The following XKR4 variants were observed in gnomAD, a reference collection of about 807,000 sequenced individuals.
The protein encoded by XKR4 is XK-related protein 4.
In XKR4, 12 loss-of-function variants were observed where a neutral mutation model predicts 53.9. That is an observed-to-expected ratio of 0.22 (90% CI 0.14 to 0.36). XKR4 has a LOEUF of 0.36. Ranked by LOEUF, XKR4 falls within the 10% of genes least tolerant of loss-of-function variation. The pLI, the probability that XKR4 is intolerant of heterozygous loss-of-function variation, is 1.00. For missense variants in XKR4, 799 were observed against 859.5 expected (o/e 0.93, Z 0.88); for synonymous variants, 354 against 362.4 (o/e 0.98, Z 0.26).
At chr8:55,394,383 T>TA (rs1804486504) in intron 2 of XKR4, among the ~76,000 whole-genome samples, 1 of 152,170 alleles carries the variant, frequency 6.6e-6, no homozygotes, top group African/African-American at 2.4e-5. Context: ...AAGAACAAGT[T>TA]ACAATAGCTC....
chr8:55,441,532 T>G (rs1014347230), intron 2 of XKR4, among the ~76,000 whole-genome samples: 2 of 152,188 alleles, frequency 1.3e-5, no homozygotes, highest in African/African-American at 2.4e-5. Flanking sequence ...TGGGGAACAT[T>G]GCACTCGACT....
chr8:55,170,261 T>C (rs1434550114), intron 1 of XKR4, among the ~76,000 whole-genome samples: 1 of 152,178 alleles, frequency 6.6e-6, no homozygotes, highest in Non-Finnish European at 1.5e-5. Flanking sequence ...CAAAGGGGAC[T>C]CCATGATGCA....
At chr8:55,170,410 A>G (rs1230355175) in intron 1 of XKR4, among the ~76,000 whole-genome samples, 2 of 152,088 alleles carry the variant, frequency 1.3e-5, no homozygotes, top group Non-Finnish European at 2.9e-5. Context: ...TGCTGTGGAG[A>G]TGGAGGTATG....
chr8:55,463,091 C>A (rs955656250), intron 2 of XKR4, among the ~76,000 whole-genome samples: 11 of 151,544 alleles, frequency 7.3e-5, no homozygotes, highest in Non-Finnish European at 1.5e-4. Flanking sequence ...ATGAGGATAT[C>A]CAGGAATTGA....
At chr8:55,176,552 G>A (rs1187812331) in intron 1 of XKR4, among the ~76,000 whole-genome samples, 1 of 152,106 alleles carries the variant, frequency 6.6e-6, no homozygotes, top group African/African-American at 2.4e-5. Context: ...CTTTCTAAAA[G>A]CAATTCATTT....
At chr8:55,433,316 G>A (rs913187953) in intron 2 of XKR4, among the ~76,000 whole-genome samples, 15 of 152,208 alleles carry the variant, frequency 9.9e-5, no homozygotes, top group African/African-American at 3.6e-4. Flanking sequence ...TAAAGTAATA[G>A]TGAGCCTATA....
chr8:55,405,866 C>A (rs149594554), intron 2 of XKR4, among the ~76,000 whole-genome samples: 1 of 152,302 alleles, frequency 6.6e-6, no homozygotes, highest in Non-Finnish European at 1.5e-5. Context: ...TGGAAATAGG[C>A]CTCCAAGGCA....
At position 55,524,626 on chromosome 8, in the gene XKR4, A is replaced by G. The variant is rs952236765; in HGVS notation, c.*399A>G. ...TACACACATACACACACTAACACAC[A>G]TAAGTTACACCAGTCCTCTGTCAAA... On this transcript the variant is annotated 3_prime_UTR_variant, in exon 3 of 3. Transcript: ENST00000327381. The G allele has an allele frequency of 6.0e-6, 1 of 167,314 alleles. No individual in the cohort carries two copies. The highest frequency in any genetic ancestry group is 1.3e-5 in the Non-Finnish European group (1 of 78,162). 10.4% of individuals were successfully genotyped at this position (167,314 alleles called of 1,614,324 possible).
intron 1 of XKR4, among the ~76,000 whole-genome samples, chr8:55,231,105 G>A (rs570189445): frequency 6.6e-6 from 1 of 152,162 alleles, no homozygotes; most frequent in East Asian, 1.9e-4. Context: ...GCTAAAGTCT[G>A]TATTCAAATT....
chr8:55,404,760 T>G (rs561394121), intron 2 of XKR4, among the ~76,000 whole-genome samples: 3 of 152,344 alleles, frequency 2.0e-5, no homozygotes, highest in East Asian at 3.9e-4. Context: ...GGCTGCTTTT[T>G]GTAGAATATC....
chr8:55,369,512 A>C (rs1804042058), intron 2 of XKR4, among the ~76,000 whole-genome samples: 1 of 111,406 alleles, frequency 9.0e-6, no homozygotes, highest in African/African-American at 4.1e-5. Flanking sequence ...AAGAAAGAAA[A>C]GGGAAGGAGA....
chr8:55,407,777 T>C (rs1340758716), intron 2 of XKR4, among the ~76,000 whole-genome samples: 2 of 152,262 alleles, frequency 1.3e-5, no homozygotes, highest in African/African-American at 4.8e-5. Flanking sequence ...GTTAAATATT[T>C]CAGTTAAGCA....
intron 1 of XKR4, among the ~76,000 whole-genome samples, chr8:55,131,091 G>A (rs975639115): frequency 1.3e-5 from 2 of 151,912 alleles, no homozygotes; most frequent in Admixed American, 6.6e-5. Context: ...CCCGGGAGGC[G>A]GAGGTTGAGG....
At chr8:55,251,689 G>T (rs926705716) in intron 1 of XKR4, among the ~76,000 whole-genome samples, 1 of 152,134 alleles carries the variant, frequency 6.6e-6, no homozygotes, top group African/African-American at 2.4e-5. Context: ...CAGTAGGTGT[G>T]GAGGATCATA....
At chr8:55,214,947 G>A (rs1193739891) in intron 1 of XKR4, among the ~76,000 whole-genome samples, 1 of 151,998 alleles carries the variant, frequency 6.6e-6, no homozygotes, top group Non-Finnish European at 1.5e-5. Context: ...TCTTTCTCCA[G>A]GGTATGTGTC....
chr8:55,308,686 A>G (rs1183645859), intron 1 of XKR4, among the ~76,000 whole-genome samples: 1 of 152,220 alleles, frequency 6.6e-6, no homozygotes, highest in African/African-American at 2.4e-5. Flanking sequence ...ATTTGTGTTC[A>G]TATAAAATCC....
At chr8:55,255,721 C>G (rs560713466) in intron 1 of XKR4, among the ~76,000 whole-genome samples, 1 of 152,118 alleles carries the variant, frequency 6.6e-6, no homozygotes, top group South Asian at 2.1e-4. Flanking sequence ...AAATAGGAGA[C>G]AGTTAACCTT....
intron 1 of XKR4, among the ~76,000 whole-genome samples, chr8:55,136,967 A>G (rs1816639310): frequency 6.6e-6 from 1 of 152,242 alleles, no homozygotes; most frequent in African/African-American, 2.4e-5. Context: ...ACAATATAGC[A>G]TGAATAAGTG....
At chr8:55,452,930 C>G (rs1381676308) in intron 2 of XKR4, 7 of 789,958 alleles carry the variant, frequency 8.9e-6, no homozygotes, top group African/African-American at 1.7e-5. Context: ...ACACTGTGCT[C>G]TCCTCCTTCT....
Sources: gnomAD v4.1 joint callset for allele counts (sites outside exome capture counted in the v4.1 genomes callset) on GRCh38, gnomAD v4.1.1 for gene constraint, MANE v1.5 for transcripts, NCBI Gene and HGNC (gene_info 2026-07-23, HGNC 2026-07-21) for gene names.